The following TBL1XR1 variants were observed in gnomAD, a reference collection of about 807,000 sequenced individuals.
TBL1XR1 encodes the protein TBL1X/Y related 1.
TBL1XR1 carries 5 observed loss-of-function variants against 66.9 expected under a neutral mutation model. The observed-to-expected ratio is 0.07, with a 90% CI of 0.04 to 0.16. The LOEUF is 0.16. TBL1XR1 is among the 10% of genes least tolerant of loss of function. The pLI, the probability that TBL1XR1 is intolerant of heterozygous loss-of-function variation, is 1.00. For synonymous variants in TBL1XR1, 210 were observed against 206.0 expected (o/e 1.02, Z -0.17); for missense variants, 238 against 623.2 (o/e 0.38, Z 6.58).
chr3:177,054,073 T>TGTGTGTGTGTGTGCGC (rs145838308), intron 3 of TBL1XR1, among the ~76,000 whole-genome samples, 155 bp from the exon 4 acceptor site: 1 of 124,816 alleles, frequency 8.0e-6, no homozygotes, highest in African/African-American at 2.9e-5. Context: ...TGTGTGTGTG[T>TGTGTGTGTGTGTGCGC]GCGCGCGCGT....
At chr3:177,090,903 C>G (rs570271758) in intron 2 of TBL1XR1, among the ~76,000 whole-genome samples, 1 of 152,056 alleles carries the variant, frequency 6.6e-6, no homozygotes. Flanking sequence ...GTGGGAGAAT[C>G]GATTGAGCCC....
At chr3:177,172,327 C>G (rs1036579122) in intron 1 of TBL1XR1, among the ~76,000 whole-genome samples, 1 of 149,118 alleles carries the variant, frequency 6.7e-6, no homozygotes, top group African/African-American at 2.5e-5. Context: ...CAAGTCCACA[C>G]TGACATAAGT....
At chr3:177,191,262 C>T (rs1577445864) in intron 1 of TBL1XR1, among the ~76,000 whole-genome samples, 1 of 152,268 alleles carries the variant, frequency 6.6e-6, no homozygotes, top group Non-Finnish European at 1.5e-5. Context: ...GAAACCAGTA[C>T]TTTAAATAAA....
upstream of TBL1XR1, among the ~76,000 whole-genome samples, chr3:177,198,976 T>C (rs1320322237): frequency 6.6e-6 from 1 of 152,208 alleles, no homozygotes; most frequent in Non-Finnish European, 1.5e-5. Flanking sequence ...AGGTGCTTTC[T>C]TGGCCAAGGT....
At chr3:177,033,750 T>C (rs1714355967) in intron 13 of TBL1XR1, among the ~76,000 whole-genome samples, 1 of 152,114 alleles carries the variant, frequency 6.6e-6, no homozygotes, top group African/African-American at 2.4e-5. Context: ...TACTTAGCCA[T>C]AAAAAGAAAT....
At position 177,116,724 on chromosome 3, in the gene TBL1XR1, G is replaced by A. The variant is rs143769407; in HGVS notation, c.-121-18183C>T. Among the ~76,000 whole-genome samples the A allele has an allele frequency of 3.3e-5, 5 of 152,206 alleles. No homozygotes were observed. The East Asian group carries it at 9.6e-4, about 29-fold the overall frequency. On this transcript the variant is annotated intron_variant, in intron 1 of 15. Transcript: ENST00000457928. Reference sequence around the variant, plus strand: ...TCTCTAAACCTCAGTTTTCTCATCAGTAAAACAAGATTGTAATGGTATCTT... The same window carrying A: ...TCTCTAAACCTCAGTTTTCTCATCAATAAAACAAGATTGTAATGGTATCTT...
At chr3:177,099,417 G>A (rs572888298) in intron 1 of TBL1XR1, 1 of 152,350 alleles carries the variant, frequency 6.6e-6, no homozygotes, top group South Asian at 2.1e-4. Flanking sequence ...TGTCAGAGGA[G>A]ACTCTTAGTT....
rs78784764 is a variant in TBL1XR1, at chr3:177,068,922, T to C, written c.-45-3900A>G. Among the ~76,000 whole-genome samples the C allele has an allele frequency of 5.2e-3, 790 of 152,378 alleles. 12 individuals carry two copies. The highest frequency in any genetic ancestry group is 0.018 in the African/African-American group (750 of 41,592). ...GTCAAATGTGTAATCGAAATTACTT[T>C]ATCTTACAAACATAACTTAGTCCAA... On this transcript the variant is annotated intron_variant, in intron 2 of 15. Coordinates refer to ENST00000457928, the MANE Select transcript of TBL1XR1 (RefSeq NM_024665.7).
At chr3:177,153,506 A>G (rs996495161) in intron 1 of TBL1XR1, among the ~76,000 whole-genome samples, 2 of 152,244 alleles carry the variant, frequency 1.3e-5, no homozygotes, top group South Asian at 2.1e-4. Flanking sequence ...AATAGTACAT[A>G]AAAGGGAGAA....
intron 1 of TBL1XR1, chr3:177,171,349 AATAC>A (rs1733470730): frequency 6.6e-6 from 1 of 151,812 alleles, no homozygotes; most frequent in Admixed American, 6.6e-5. Flanking sequence ...TCAATAAATA[AATAC>A]ATACATACAC....
At chr3:177,191,965 C>T (rs756559775) in intron 1 of TBL1XR1, among the ~76,000 whole-genome samples, 3 of 151,626 alleles carry the variant, frequency 2.0e-5, no homozygotes, top group African/African-American at 4.9e-5. Flanking sequence ...AAGTGACAGG[C>T]GCCTGTAATC....
intron 1 of TBL1XR1, among the ~76,000 whole-genome samples, chr3:177,122,302 A>G (rs1389434324): frequency 6.7e-6 from 1 of 148,364 alleles, no homozygotes; most frequent in South Asian, 2.1e-4. Flanking sequence ...AAAAAAAAAA[A>G]ACACTGTAAG....
At chr3:177,106,248 G>A (rs993106602) in intron 1 of TBL1XR1, among the ~76,000 whole-genome samples, 3 of 152,084 alleles carry the variant, frequency 2.0e-5, no homozygotes, top group African/African-American at 7.2e-5. Context: ...TTATAGAAAG[G>A]TATTTTTTTC....
At chr3:177,166,520 C>T in intron 1 of TBL1XR1, among the ~76,000 whole-genome samples, 1 of 152,160 alleles carries the variant, frequency 6.6e-6, no homozygotes, top group Non-Finnish European at 1.5e-5. Flanking sequence ...TTCCCCCATG[C>T]TGTTCTGATA....
chr3:177,177,355 AAGG>A (rs1172051266), intron 1 of TBL1XR1, among the ~76,000 whole-genome samples: 13 of 151,386 alleles, frequency 8.6e-5, no homozygotes, highest in Non-Finnish European at 2.9e-5. Context: ...GAGGCTGAAG[AAGG>A]AGAATCACTC....
At chr3:177,114,475 A>T (rs990723717) in intron 1 of TBL1XR1, among the ~76,000 whole-genome samples, 2 of 151,680 alleles carry the variant, frequency 1.3e-5, no homozygotes, top group African/African-American at 2.4e-5. Flanking sequence ...CTAATTTTTA[A>T]CTTTTTGTAG....
At chr3:177,136,957 G>A (rs1241638093) in intron 1 of TBL1XR1, among the ~76,000 whole-genome samples, 2 of 152,040 alleles carry the variant, frequency 1.3e-5, no homozygotes, top group African/African-American at 2.4e-5. Context: ...AATATATACG[G>A]TCTCTCAAAA....
chr3:177,144,231 A>G (rs1382664680), intron 1 of TBL1XR1, among the ~76,000 whole-genome samples: 3 of 151,070 alleles, frequency 2.0e-5, no homozygotes, highest in Non-Finnish European at 4.4e-5. Context: ...GGGAAACAAG[A>G]GCAAAACTCC....
chr3:177,145,354 T>A (rs188630435), intron 1 of TBL1XR1, among the ~76,000 whole-genome samples: 1 of 152,178 alleles, frequency 6.6e-6, no homozygotes, highest in African/African-American at 2.4e-5. Flanking sequence ...TCAGTGACTG[T>A]ATATCTGGCT....
Sources: gnomAD v4.1 joint callset for allele counts (sites outside exome capture counted in the v4.1 genomes callset) on GRCh38, gnomAD v4.1.1 for gene constraint, MANE v1.5 for transcripts, NCBI Gene and HGNC (gene_info 2026-07-23, HGNC 2026-07-21) for gene names.